The following BRWD3 variants were observed in gnomAD, a reference collection of about 807,000 sequenced individuals.
The protein encoded by BRWD3 is bromodomain and WD repeat domain containing 3, also known as bromodomain and WD repeat-containing protein 3.
A neutral mutation model predicts 149.7 loss-of-function variants in BRWD3; 10 were observed. The ratio of observed to expected loss-of-function variants is 0.07; its 90% CI spans 0.04 to 0.11. BRWD3 has a LOEUF of 0.11. BRWD3 is among the 10% of genes least tolerant of loss of function. BRWD3 has a pLI of 1.00. For missense variants in BRWD3, 940 were observed against 1,373.2 expected (o/e 0.68, Z 4.99); for synonymous variants, 504 against 456.7 (o/e 1.10, Z -1.32).
intron 8 of BRWD3, among the ~76,000 whole-genome samples, chrX:80,737,147 C>G (rs1373807230): frequency 1.8e-5 from 2 of 110,974 alleles, no homozygotes; most frequent in Non-Finnish European, 3.8e-5. Flanking sequence ...GTAAAGAAAC[C>G]AGGACTCATG....
rs12009486 is a variant in BRWD3 at position 80,789,398 on chromosome X, C to T, written c.430+2456G>A. On this transcript the variant is annotated intron_variant, in intron 6 of 40. Coordinates refer to ENST00000373275, the MANE Select transcript of BRWD3 (RefSeq NM_153252.5). Reference sequence around the variant, plus strand: ...AATTTTTTTTTTCTTTTTTTTGAGACGGAGTCTCGCTCTGTCGCCCAGGCT... The same window carrying T: ...AATTTTTTTTTTCTTTTTTTTGAGATGGAGTCTCGCTCTGTCGCCCAGGCT... Among the ~76,000 whole-genome samples the T allele has an allele frequency of 7.1e-3, 788 of 110,797 alleles. 8 individuals carry two copies. Among genetic ancestry groups the T allele is most frequent in the African/African-American group, 0.024 (736 of 30,425 alleles).
In BRWD3 at chrX:80,671,181, T is replaced by C. The variant is rs1416035330; in HGVS notation, c.*5428A>G. 1 of 111,983 alleles carries C rather than the reference T, an allele frequency of 8.9e-6. No homozygotes were observed. Among genetic ancestry groups the C allele is most frequent in the Non-Finnish European group, 1.9e-5 (1 of 53,236 alleles). 9.2% of individuals were successfully genotyped at this position (111,983 alleles called of 1,213,427 possible). A position where few individuals can be genotyped will look rare whatever the true frequency, so the allele number is the denominator to read the frequency against. On this transcript the variant is annotated 3_prime_UTR_variant, in exon 41 of 41. Transcript: ENST00000373275. Reference sequence around the variant, plus strand: ...AAGTCATAAATATGTTAGAGATCTATTCATTTTGAAAAGCTCTGCAAAACA... The same window carrying C: ...AAGTCATAAATATGTTAGAGATCTACTCATTTTGAAAAGCTCTGCAAAACA...
intron 20 of BRWD3, among the ~76,000 whole-genome samples, chrX:80,711,756 A>C (rs1382755506): frequency 8.9e-6 from 1 of 112,250 alleles, no homozygotes; most frequent in East Asian, 2.8e-4. Context: ...ATTGCTAATT[A>C]GAAAATTTTT....
intron 24 of BRWD3, among the ~76,000 whole-genome samples, chrX:80,700,433 G>GATATATATATATATATATATAT (rs748889698): frequency 0.088 from 4,884 of 55,556 alleles, 664 homozygotes; most frequent in African/African-American, 0.26. Context: ...GAAAATATTT[G>GATATATATATATATATATATAT]ATATATATAA....
intron 35 of BRWD3, among the ~76,000 whole-genome samples, chrX:80,686,199 G>A (rs749988105): frequency 9.6e-6 from 1 of 104,623 alleles, no homozygotes; most frequent in Non-Finnish European, 2.0e-5. Context: ...CTCACGCATA[G>A]GTGGGAATTG....
At chrX:80,756,011 A>C (rs1316891393) in intron 6 of BRWD3, among the ~76,000 whole-genome samples, 1 of 112,000 alleles carries the variant, frequency 8.9e-6, no homozygotes, top group Non-Finnish European at 1.9e-5. Flanking sequence ...ATACATTTTT[A>C]TCTTAAACAT....
intron 22 of BRWD3, among the ~76,000 whole-genome samples, 170 bp from the exon 23 acceptor site, chrX:80,705,016 C>A (rs2072842293): frequency 9.0e-6 from 1 of 111,329 alleles, no homozygotes. Context: ...ACCTGTAATC[C>A]CAGCACTCTG....
intron 12 of BRWD3, among the ~76,000 whole-genome samples, chrX:80,730,389 A>G (rs201259293): frequency 6.8e-4 from 53 of 77,671 alleles, no homozygotes; most frequent in African/African-American, 2.5e-3. Context: ...ATTATTTAGC[A>G]AAAGAAAGAA....
chrX:80,710,399 G>C (rs2072944628), intron 20 of BRWD3: 6 of 335,557 alleles, frequency 1.8e-5, no homozygotes, highest in Non-Finnish European at 1.1e-5. Context: ...ACGTCCACTG[G>C]GGCCCATTCT....
intron 33 of BRWD3, among the ~76,000 whole-genome samples, chrX:80,688,328 G>A (rs903123266): frequency 9.0e-6 from 1 of 111,529 alleles, no homozygotes; most frequent in Non-Finnish European, 1.9e-5. Context: ...ACTGGAAGAA[G>A]AATTAAACAA....
rs747773335 is a variant in BRWD3 at position 80,682,395 on chromosome X, A to T, written c.4397+70T>A. ...TGGGATCTCCCCAAATTATTCATAA[A>T]CTTTCACAAATTAGGTAATACATAC... On this transcript the variant is annotated intron_variant, in intron 38 of 40. Transcript: ENST00000373275. The T allele has an allele frequency of 4.9e-5, 55 of 1,123,143 alleles. No homozygotes were observed. The African/African-American group carries it at 9.2e-4, about 19-fold the overall frequency. The allele number at this position is 1,123,143 out of a possible 1,213,427, so 92.6% of individuals were successfully genotyped here. A position where few individuals can be genotyped will look rare whatever the true frequency, so the allele number is the denominator to read the frequency against.
chrX:80,766,969 T>C (rs1367337210), intron 6 of BRWD3, among the ~76,000 whole-genome samples: 2 of 112,435 alleles, frequency 1.8e-5, no homozygotes, highest in African/African-American at 6.5e-5. Flanking sequence ...AGCCCGCACC[T>C]GTCTCTGCGA....
chrX:80,756,586 T>C (rs2073743244), intron 6 of BRWD3, among the ~76,000 whole-genome samples: 1 of 109,994 alleles, frequency 9.1e-6, no homozygotes, highest in Non-Finnish European at 1.9e-5. Flanking sequence ...TTTTTAGTAC[T>C]GATTCTTGCT....
intron 13 of BRWD3, 143 bp downstream of exon 13, chrX:80,729,772 CT>C: frequency 2.2e-6 from 1 of 462,081 alleles, no homozygotes. Context: ...CGAAGATTTG[CT>C]TAGAGGCTGT....
At chrX:80,696,433 T>C (rs1234420411) in intron 26 of BRWD3, among the ~76,000 whole-genome samples, 1 of 109,001 alleles carries the variant, frequency 9.2e-6, no homozygotes, top group Non-Finnish European at 1.9e-5. Context: ...GAGATTAGCA[T>C]TTCCATTTTA....
At position 80,684,004 on chromosome X, in the gene BRWD3, T is replaced by C; in HGVS notation, c.4233+6A>G. 1 of 1,206,482 alleles carries C rather than the reference T, an allele frequency of 8.3e-7. No homozygotes were observed. Among genetic ancestry groups the C allele is most frequent in the Non-Finnish European group, 1.1e-6 (1 of 891,557 alleles). Reference sequence around the variant, plus strand: ...GCCTGATAATTAACCCAACTAATAATCATACCCTTGACTTTTTATTAGAGG... The same window carrying C: ...GCCTGATAATTAACCCAACTAATAACCATACCCTTGACTTTTTATTAGAGG... On this transcript the variant is annotated splice_donor_region_variant and intron_variant, in intron 37 of 40. Coordinates refer to ENST00000373275, the MANE Select transcript of BRWD3 (RefSeq NM_153252.5).
At chrX:80,771,062 T>C (rs1290929978) in intron 6 of BRWD3, among the ~76,000 whole-genome samples, 1 of 111,528 alleles carries the variant, frequency 9.0e-6, no homozygotes, top group Non-Finnish European at 1.9e-5. Flanking sequence ...GAAGGACCTC[T>C]TCTAGGAGAA....
rs1409960026 is a variant in BRWD3, at chrX:80,809,510, G to C, written c.-39C>G. ...GGGTTTGGGGGCTTCGCTCCGGAGG[G>C]GCTGGCGGGGGCGGGTGGGGGCGCT... On this transcript the variant is annotated 5_prime_UTR_variant, in exon 1 of 41. Coordinates refer to ENST00000373275, the MANE Select transcript of BRWD3 (RefSeq NM_153252.5). The C allele has an allele frequency of 1.1e-6, 1 of 938,799 alleles. No homozygotes were observed. Among genetic ancestry groups the C allele is most frequent in the African/African-American group, 2.0e-5 (1 of 49,893 alleles). 77.4% of individuals were successfully genotyped at this position (938,799 alleles called of 1,213,427 possible).
chrX:80,732,764 G>A (rs945143291), intron 12 of BRWD3, among the ~76,000 whole-genome samples: 2 of 111,773 alleles, frequency 1.8e-5, no homozygotes, highest in African/African-American at 6.5e-5. Flanking sequence ...TAAGTCATGT[G>A]GTAAAAAGCT....
Sources: allele counts gnomAD v4.1 joint callset (sites outside exome capture counted in the v4.1 genomes callset), GRCh38; gene constraint gnomAD v4.1.1; transcripts MANE v1.5; gene names NCBI Gene and HGNC (gene_info 2026-07-23, HGNC 2026-07-21).